MCHR2: variants seen among roughly 807,000 people sequenced by gnomAD.
MCHR2 encodes the protein melanin-concentrating hormone receptor 2.
MCHR2 carries 15 observed loss-of-function variants against 24.8 expected under a neutral mutation model. That is an observed-to-expected ratio of 0.60 (90% CI 0.40 to 0.93). The LOEUF is 0.93. Among genes scored for constraint, MCHR2 ranks in the 40% least tolerant of loss-of-function variants. The pLI is 0.00. For synonymous variants in MCHR2, 151 were observed against 147.6 expected, an observed-to-expected ratio of 1.02 and a Z score of -0.17; for missense variants, 386 against 408.7, an observed-to-expected ratio of 0.94 and a Z score of 0.48.
At chr6:99,993,504 C>T (rs974465489) in intron 1 of MCHR2, among the ~76,000 whole-genome samples, 3 of 152,110 alleles carry the variant, frequency 2.0e-5, no homozygotes, top group African/African-American at 7.2e-5. Context: ...AAAGCCTTCC[C>T]GAACTCTTAG....
At chr6:99,953,699 G>A (rs1554194758) in intron 2 of MCHR2, among the ~76,000 whole-genome samples, 1 of 149,100 alleles carries the variant, frequency 6.7e-6, no homozygotes, top group African/African-American at 2.5e-5. Context: ...TTTTTTTTTG[G>A]TATTTTCATA....
chr6:99,920,939 C>T lies in MCHR2; in HGVS notation c.*1G>A, dbSNP rs1196922098. Reference sequence around the variant, plus strand: ...AGACTCATGGTGATCCATGTACTTTCCTAAAAGTGTGATTTCAGAGTGTTT... The same window carrying T: ...AGACTCATGGTGATCCATGTACTTTTCTAAAAGTGTGATTTCAGAGTGTTT... On this transcript the variant is annotated 3_prime_UTR_variant, in exon 6 of 6. Coordinates refer to ENST00000281806, the MANE Select transcript of MCHR2 (RefSeq NM_001040179.2). 1.9e-6 allele frequency: 3 copies of T among 1,613,266 alleles called. No homozygotes were observed. The African/African-American group carries it at 4.0e-5, about 22-fold the overall frequency.
intron 1 of MCHR2, among the ~76,000 whole-genome samples, chr6:99,991,608 C>T (rs577625479): frequency 7.9e-5 from 12 of 152,014 alleles, no homozygotes; most frequent in Non-Finnish European, 1.6e-4. Context: ...GAGATCGAGA[C>T]CATCCTGAGC....
intron 2 of MCHR2, among the ~76,000 whole-genome samples, chr6:99,952,575 A>G (rs961387744): frequency 4.6e-5 from 7 of 152,236 alleles, no homozygotes; most frequent in Admixed American, 3.9e-4. Flanking sequence ...TTAATATTTT[A>G]TTTAATTCAC....
chr6:99,922,231 C>T (rs1358369742), intron 5 of MCHR2, among the ~76,000 whole-genome samples: 2 of 151,922 alleles, frequency 1.3e-5, no homozygotes, highest in African/African-American at 2.4e-5. Flanking sequence ...CTCAGCCTCC[C>T]GAGTAGCTGG....
chr6:99,929,430 C>G (rs1562118111), intron 5 of MCHR2, among the ~76,000 whole-genome samples: 1 of 152,096 alleles, frequency 6.6e-6, no homozygotes, highest in Non-Finnish European at 1.5e-5. Flanking sequence ...CTAATGTTGA[C>G]AGTAGGGTGT....
At chr6:99,975,474 C>T (rs1225899480) in intron 1 of MCHR2, among the ~76,000 whole-genome samples, 1 of 152,206 alleles carries the variant, frequency 6.6e-6, no homozygotes, top group Non-Finnish European at 1.5e-5. Context: ...TCGTCTGTCA[C>T]CCCTTTCTTT....
Position 99,919,364 on chromosome 6 carries a change from A to C in MCHR2, c.*1576T>G, listed in dbSNP as rs564543338. Among the ~76,000 whole-genome samples the C allele has an allele frequency of 6.6e-6, 1 of 152,352 alleles. No individual in the cohort carries two copies. Among genetic ancestry groups the C allele is most frequent in the South Asian group, 2.1e-4 (1 of 4,828 alleles). On this transcript the variant is annotated 3_prime_UTR_variant, in exon 6 of 6. Transcript: ENST00000281806. The stretch of plus-strand genomic sequence containing the variant: ...TCACGTCTGGGTTGATTCAAATACA[A>C]GTTTATCCAAACACAATTGAAATAT...
chr6:99,979,972 A>G (rs560402731), intron 1 of MCHR2, among the ~76,000 whole-genome samples: 3 of 152,350 alleles, frequency 2.0e-5, no homozygotes, highest in African/African-American at 4.8e-5. Context: ...CTGATCTACA[A>G]GATTTTGTTT....
chr6:99,978,646 G>A (rs868455943), intron 1 of MCHR2, among the ~76,000 whole-genome samples: 3 of 151,868 alleles, frequency 2.0e-5, no homozygotes, highest in Admixed American at 1.3e-4. Flanking sequence ...TCTCGATCTC[G>A]TGACCTCGTG....
chr6:99,932,164 A>C (rs751287516), intron 5 of MCHR2, among the ~76,000 whole-genome samples: 38 of 152,006 alleles, frequency 2.5e-4, no homozygotes, highest in Non-Finnish European at 4.4e-4. Context: ...TTTTTCCTTT[A>C]GTGTTTAAAT....
chr6:99,985,008 T>A (rs1414845387), intron 1 of MCHR2, among the ~76,000 whole-genome samples: 1 of 152,078 alleles, frequency 6.6e-6, no homozygotes, highest in Non-Finnish European at 1.5e-5. Context: ...TGTACAAAAA[T>A]TAGTAGCATT....
chr6:99,960,868 A>G (rs1775169929), intron 1 of MCHR2, among the ~76,000 whole-genome samples: 1 of 152,216 alleles, frequency 6.6e-6, no homozygotes, highest in Admixed American at 6.5e-5. Context: ...ACCTAAAACC[A>G]TAAAAACCCT....
chr6:99,950,260 T>G (rs1039789735), intron 2 of MCHR2, among the ~76,000 whole-genome samples: 1 of 152,166 alleles, frequency 6.6e-6, no homozygotes, highest in African/African-American at 2.4e-5. Context: ...TATTATTGTC[T>G]TCTTTACTGA....
intron 2 of MCHR2, among the ~76,000 whole-genome samples, chr6:99,948,950 G>A (rs1021482875): frequency 2.6e-5 from 4 of 152,162 alleles, no homozygotes; most frequent in African/African-American, 9.6e-5. Flanking sequence ...ATGGCACTGA[G>A]AATGATCTCA....
At chr6:99,954,967 T>C (rs1293523324) in intron 2 of MCHR2, among the ~76,000 whole-genome samples, 1 of 152,156 alleles carries the variant, frequency 6.6e-6, no homozygotes, top group Non-Finnish European at 1.5e-5. Flanking sequence ...ATTATGCATA[T>C]ACAAACAGCA....
rs1775942474 is a variant in MCHR2 at position 99,994,019 on chromosome 6, G to C, written c.-111C>G. The C allele has an allele frequency of 6.6e-6, 1 of 152,298 alleles. No individual in the cohort carries two copies. Among genetic ancestry groups the C allele is most frequent in the Admixed American group, 6.5e-5 (1 of 15,286 alleles). 9.4% of individuals were successfully genotyped at this position (152,298 alleles called of 1,614,324 possible). On this transcript the variant is annotated 5_prime_UTR_variant, in exon 1 of 6. Coordinates refer to ENST00000281806, the MANE Select transcript of MCHR2 (RefSeq NM_001040179.2). ...GACTGCAGGTCTATCCGCTAAGCGC[G>C]CGTGACCAAAAACGGCTCTCAGCGG...
chr6:99,969,566 TC>T (rs1329828985), intron 1 of MCHR2, among the ~76,000 whole-genome samples: 1 of 151,898 alleles, frequency 6.6e-6, no homozygotes, highest in East Asian at 1.9e-4. Context: ...TTCTTTTTTT[TC>T]TTATTTTAAT....
chr6:99,977,429 A>G (rs1406093972), intron 1 of MCHR2, among the ~76,000 whole-genome samples: 2 of 152,150 alleles, frequency 1.3e-5, no homozygotes, highest in African/African-American at 4.8e-5. Flanking sequence ...ACAGAAGAAA[A>G]TGTACCCTGC....
Sources: allele counts gnomAD v4.1 joint callset (sites outside exome capture counted in the v4.1 genomes callset), GRCh38; gene constraint gnomAD v4.1.1; transcripts MANE v1.5; gene names NCBI Gene and HGNC (gene_info 2026-07-23, HGNC 2026-07-21).